SLC24A2: variants seen among roughly 807,000 people sequenced by gnomAD.
The protein encoded by SLC24A2 is solute carrier family 24 member 2.
SLC24A2 carries 36 observed loss-of-function variants against 62.0 expected under a neutral mutation model. The observed-to-expected ratio is 0.58, with a 90% CI of 0.44 to 0.77. The LOEUF (loss-of-function observed/expected upper bound fraction) is 0.77. SLC24A2 is among the 30% of genes least tolerant of loss of function. The probability of loss-of-function intolerance (pLI) is 0.00; values close to 1 mark genes in which losing one functional copy is unlikely to be tolerated. For synonymous variants in SLC24A2, 358 were observed against 294.0 expected (o/e 1.22, Z -2.23); for missense variants, 846 against 817.9 (o/e 1.03, Z -0.42).
intron 2 of SLC24A2, among the ~76,000 whole-genome samples, chr9:19,737,063 C>T (rs1821531800): frequency 6.6e-6 from 1 of 152,164 alleles, no homozygotes; most frequent in African/African-American, 2.4e-5. Flanking sequence ...CAGTATTGAA[C>T]AAATAATATT....
chr9:19,765,209 C>G (rs1246546058), intron 2 of SLC24A2, among the ~76,000 whole-genome samples: 5 of 151,982 alleles, frequency 3.3e-5, no homozygotes, highest in Non-Finnish European at 7.4e-5. Flanking sequence ...TTAGATGGGT[C>G]TCCTGAATAC....
intron 9 of SLC24A2, among the ~76,000 whole-genome samples, chr9:19,521,474 T>C (rs1833196887): frequency 6.6e-6 from 1 of 152,236 alleles, no homozygotes; most frequent in Non-Finnish European, 1.5e-5. Flanking sequence ...AACCAAGGAC[T>C]GACACCCAGG....
intron 5 of SLC24A2, among the ~76,000 whole-genome samples, chr9:19,587,995 C>A (rs1007997964): frequency 6.6e-6 from 1 of 152,106 alleles, no homozygotes; most frequent in Non-Finnish European, 1.5e-5. Context: ...TGGCTTTACC[C>A]ACATAGCTGG....
the SLC24A2 span, among the ~76,000 whole-genome samples, chr9:19,942,595 G>T: frequency 6.6e-6 from 1 of 152,178 alleles, no homozygotes; most frequent in Admixed American, 6.5e-5. Context: ...ACAGCGCATC[G>T]CATTCTTAAT....
chr9:19,949,974 C>A, the SLC24A2 span, among the ~76,000 whole-genome samples: 1 of 152,140 alleles, frequency 6.6e-6, no homozygotes, highest in Non-Finnish European at 1.5e-5. Context: ...AATGCAGAAT[C>A]CCAGACCCAT....
chr9:19,904,856 A>G, the SLC24A2 span, among the ~76,000 whole-genome samples: 4 of 151,908 alleles, frequency 2.6e-5, no homozygotes, highest in African/African-American at 9.7e-5. Context: ...GGATTTAGGC[A>G]AGTCTGGACA....
At chr9:20,158,559 C>A in the SLC24A2 span, among the ~76,000 whole-genome samples, 1 of 151,730 alleles carries the variant, frequency 6.6e-6, no homozygotes, top group Non-Finnish European at 1.5e-5. Context: ...GACTTCCCAT[C>A]CAGAACAATA....
At chr9:19,808,665 T>C in the SLC24A2 span, among the ~76,000 whole-genome samples, 1 of 152,222 alleles carries the variant, frequency 6.6e-6, no homozygotes, top group African/African-American at 2.4e-5. This position sits in a 1 kb window ranked among gnomAD's most constrained non-coding sequence, Gnocchi z 4.1. Flanking sequence ...GGTTGAGCAC[T>C]ATGGGGTTAC....
the SLC24A2 span, among the ~76,000 whole-genome samples, chr9:19,879,456 C>A: frequency 2.0e-5 from 3 of 152,072 alleles, no homozygotes; most frequent in African/African-American, 7.2e-5. Context: ...GTCATTATTA[C>A]CTATTTAGTT....
chr9:19,665,618 A>G (rs1819229867), intron 2 of SLC24A2, among the ~76,000 whole-genome samples: 1 of 152,024 alleles, frequency 6.6e-6, no homozygotes, highest in African/African-American at 2.4e-5. Flanking sequence ...CACAGGTTTC[A>G]GTTTCCTTAT....
chr9:19,815,003 T>C, the SLC24A2 span, among the ~76,000 whole-genome samples: 124,201 of 152,120 alleles, frequency 0.82, 51,925 homozygotes, highest in Non-Finnish European at 0.92. Context: ...TAAAAGACTA[T>C]CCCTCAGACT....
the SLC24A2 span, among the ~76,000 whole-genome samples, chr9:19,913,562 C>A: frequency 6.6e-6 from 1 of 152,126 alleles, no homozygotes; most frequent in Non-Finnish European, 1.5e-5. Context: ...GGAAGCAAAG[C>A]AAAGGACATC....
the SLC24A2 span, among the ~76,000 whole-genome samples, chr9:20,007,560 T>A: frequency 6.6e-6 from 1 of 152,184 alleles, no homozygotes; most frequent in African/African-American, 2.4e-5. Flanking sequence ...TAGGTGTTTA[T>A]AAATCCATTT....
chr9:19,863,824 A>G, the SLC24A2 span, among the ~76,000 whole-genome samples: 3 of 151,884 alleles, frequency 2.0e-5, no homozygotes, highest in African/African-American at 7.2e-5. Context: ...TTAGTAGAAT[A>G]AAAGAAATAA....
chr9:20,295,036 G>GTATATATATATATATATATATA, the SLC24A2 span, among the ~76,000 whole-genome samples: 1 of 145,622 alleles, frequency 6.9e-6, no homozygotes, highest in African/African-American at 2.5e-5. Flanking sequence ...GTGTATATAT[G>GTATATATATATATATATATATA]TATATATATA....
the SLC24A2 span, among the ~76,000 whole-genome samples, chr9:19,874,848 GT>G: frequency 7.4e-3 from 1,132 of 152,160 alleles, 16 homozygotes; most frequent in African/African-American, 0.026. Flanking sequence ...CAGAGGTATT[GT>G]TCTTCAATTT....
the SLC24A2 span, among the ~76,000 whole-genome samples, chr9:20,070,598 C>G: frequency 6.6e-6 from 1 of 152,192 alleles, no homozygotes; most frequent in African/African-American, 2.4e-5. Context: ...GGACTTTGCA[C>G]AGAATAACAG....
At chr9:20,058,617 C>A in the SLC24A2 span, among the ~76,000 whole-genome samples, 1 of 151,996 alleles carries the variant, frequency 6.6e-6, no homozygotes, top group Non-Finnish European at 1.5e-5. Context: ...TTAAATACAA[C>A]AAATATATCA....
At chr9:19,595,755 T>G (rs1836687441) in intron 5 of SLC24A2, among the ~76,000 whole-genome samples, 1 of 151,630 alleles carries the variant, frequency 6.6e-6, no homozygotes, top group Admixed American at 6.6e-5. Flanking sequence ...ACGTAGGAGG[T>G]AGGACATTAA....
Sources: allele counts gnomAD v4.1 joint callset (sites outside exome capture counted in the v4.1 genomes callset), GRCh38; gene constraint gnomAD v4.1.1; non-coding constraint Gnocchi (gnomAD v3.1); transcripts MANE v1.5; gene names NCBI Gene and HGNC (gene_info 2026-07-23, HGNC 2026-07-21).